IRS1: variants seen among roughly 807,000 people sequenced by gnomAD.
IRS1 encodes the protein insulin receptor substrate 1.
A neutral mutation model predicts 65.6 loss-of-function variants in IRS1; 34 were observed. That is an observed-to-expected ratio of 0.52 (90% CI 0.39 to 0.69). The LOEUF is 0.69. IRS1 is among the 30% of genes least tolerant of loss of function. The pLI is 0.00. For missense variants in IRS1, 1,641 were observed against 1,720.2 expected, an observed-to-expected ratio of 0.95 and a Z score of 0.81; for synonymous variants, 699 against 683.5, an observed-to-expected ratio of 1.02 and a Z score of -0.35.
At chr2:226,744,162 C>T (rs1938493849) in intron 1 of IRS1, among the ~76,000 whole-genome samples, 1 of 152,206 alleles carries the variant, frequency 6.6e-6, no homozygotes, top group African/African-American at 2.4e-5. Flanking sequence ...ACACCACTGA[C>T]ATCACTTTTG....
At chr2:226,747,425 C>T (rs890798538) in intron 1 of IRS1, among the ~76,000 whole-genome samples, 1 of 152,030 alleles carries the variant, frequency 6.6e-6, no homozygotes, top group African/African-American at 2.4e-5. Context: ...GCTTTCTGCT[C>T]TCTACCACAG....
Position 226,797,179 on chromosome 2 carries a change from C to T in IRS1, c.1560G>A (p.Arg520=). 6.2e-7 allele frequency: 1 copy of T among 1,613,966 alleles called. No homozygotes were observed. The highest frequency in any genetic ancestry group is 8.5e-7 in the Non-Finnish European group (1 of 1,180,024). ...CTGCCGAGTGAGTTCTCTTTCGGAACCGATTATCCAGATCTGCAGCACTGG... is the reference window on the plus strand; with the variant it reads ...CTGCCGAGTGAGTTCTCTTTCGGAATCGATTATCCAGATCTGCAGCACTGG... ...EAASAADLDN[R]FRKRTHSAGT... Residue 520 remains arginine, a synonymous_variant, in exon 1 of 2, where the codon CGG becomes CGA. Coordinates refer to ENST00000305123, the MANE Select transcript of IRS1 (RefSeq NM_005544.3). The surrounding 1 kb of genome is among the most constrained non-coding windows in gnomAD (Gnocchi z 8.1).
Position 226,798,848 on chromosome 2 carries a change from A to G in IRS1, c.-110T>C. The G allele has an allele frequency of 6.5e-7, 1 of 1,538,850 alleles. No individual in the cohort carries two copies. Among genetic ancestry groups the G allele is most frequent in the Non-Finnish European group, 8.8e-7 (1 of 1,141,642 alleles). ...GGCACATGCAAACAGGGCTGGAGGC[A>G]GCAGAAACCCCGACTCTGAAATCCA... On this transcript the variant is annotated 5_prime_UTR_variant, in exon 1 of 2. Transcript: ENST00000305123. The surrounding 1 kb of genome is among the most constrained non-coding windows in gnomAD (Gnocchi z 9.4).
intron 1 of IRS1, among the ~76,000 whole-genome samples, chr2:226,747,936 C>T (rs1318898334): frequency 4.6e-5 from 7 of 152,044 alleles, no homozygotes; most frequent in Admixed American, 4.6e-4. Flanking sequence ...TACTACTAGA[C>T]ACCTTACAAC....
Position 226,797,639 on chromosome 2 carries a change from G to C in IRS1, c.1100C>G (p.Pro367Arg). 2 of 1,590,154 alleles carry C rather than the reference G, an allele frequency of 1.3e-6. No homozygotes were observed. Among genetic ancestry groups the C allele is most frequent in the Middle Eastern group, 1.7e-4 (1 of 6,000 alleles). The change falls in exon 1 of 2, where the codon CCC becomes CGC. Residue 367 changes from proline (P) to arginine (R), a missense_variant. By Grantham distance (103) the Pro-to-Arg change is moderately radical (BLOSUM62 -2). Coordinates refer to ENST00000305123, the MANE Select transcript of IRS1 (RefSeq NM_005544.3). The surrounding 1 kb of genome is among the most constrained non-coding windows in gnomAD (Gnocchi z 8.1). ...HRHRGSARLH[P>R]PLNHSRSIPM... ...GATGGAGCGGCTGTGGTTGAGCGGGGGGTGCAGCCGGGCGCTGCCCCGATG... is the reference window on the plus strand; with the variant it reads ...GATGGAGCGGCTGTGGTTGAGCGGGCGGTGCAGCCGGGCGCTGCCCCGATG...
chr2:226,771,736 G>A (rs954861695), intron 1 of IRS1, among the ~76,000 whole-genome samples: 1 of 152,064 alleles, frequency 6.6e-6, no homozygotes, highest in East Asian at 1.9e-4. Context: ...CTCTGTCAAA[G>A]AGTGCTGAGA....
chr2:226,791,790 A>T (rs983752988), intron 1 of IRS1, among the ~76,000 whole-genome samples: 22 of 151,856 alleles, frequency 1.4e-4, no homozygotes, highest in Non-Finnish European at 2.8e-4. Context: ...GCTGTGCCCG[A>T]GGGCGGGGCC....
At chr2:226,743,966 G>A (rs1454377736) in intron 1 of IRS1, among the ~76,000 whole-genome samples, 1 of 152,076 alleles carries the variant, frequency 6.6e-6, no homozygotes, top group Non-Finnish European at 1.5e-5. Flanking sequence ...CTCATTCTTT[G>A]CCCTCTCCCT....
chr2:226,769,760 A>G (rs951287943), intron 1 of IRS1, among the ~76,000 whole-genome samples: 7 of 152,236 alleles, frequency 4.6e-5, no homozygotes, highest in Non-Finnish European at 7.3e-5. Context: ...AAACAGGTGC[A>G]TATAAAAATT....
At chr2:226,786,638 T>TA (rs773586859) in intron 1 of IRS1, among the ~76,000 whole-genome samples, 14,704 of 116,002 alleles carry the variant, frequency 0.13, 933 homozygotes, top group Admixed American at 0.21. Flanking sequence ...CTCTCTACCT[T>TA]AAAAAAAAAA....
intron 1 of IRS1, among the ~76,000 whole-genome samples, chr2:226,786,703 T>C (rs1251949628): frequency 1.4e-5 from 2 of 144,436 alleles, no homozygotes; most frequent in African/African-American, 5.1e-5. Flanking sequence ...ACTTACAGCA[T>C]GTACATGTAT....
chr2:226,738,991 G>A (rs927482446), intron 1 of IRS1, among the ~76,000 whole-genome samples: 14 of 152,130 alleles, frequency 9.2e-5, no homozygotes, highest in Admixed American at 8.5e-4. Context: ...CAACCTGCAC[G>A]GATGCATAAG....
Position 226,796,947 on chromosome 2 carries a change from G to C in IRS1, c.1792C>G (p.His598Asp). The C allele has an allele frequency of 1.3e-6, 2 of 1,556,532 alleles. No individual in the cohort carries two copies. The highest frequency in any genetic ancestry group is 1.7e-6 in the Non-Finnish European group (2 of 1,148,312). ...AGGGTGGAGCTGTCTGGGCGGTGGTGCCCCCCCCGACGCTCCAAGGGGTGC... is the reference window on the plus strand; with the variant it reads ...AGGGTGGAGCTGTCTGGGCGGTGGTCCCCCCCCCGACGCTCCAAGGGGTGC... ...EMHPLERRGGHHRPDSSTLHT... is the reference protein window; with the variant it reads ...EMHPLERRGGDHRPDSSTLHT... Residue 598 changes from histidine (H) to aspartate (D), a missense_variant, in exon 1 of 2, where the codon CAC (histidine) becomes GAC (aspartate). Transcript: ENST00000305123.
At position 226,796,677 on chromosome 2, in the gene IRS1, C is replaced by T. The variant is rs751466820; in HGVS notation, c.2062G>A (p.Ala688Thr). 9 of 1,613,210 alleles carry T rather than the reference C, an allele frequency of 5.6e-6. No individual in the cohort carries two copies. The highest frequency in any genetic ancestry group is 4.5e-5 in the East Asian group (2 of 44,812). ...CCATAGCTGGTCCCGGAAGGGACGG[C>T]GTTGCTGCTGCTGCTGCTGCTGCTG... Reference protein sequence around the residue: ...GPSSSSSSSNAVPSGTSYGKL... With the variant: ...GPSSSSSSSNTVPSGTSYGKL... Residue 688 changes from alanine (A) to threonine (T), a missense_variant, in exon 1 of 2, where the codon GCC becomes ACC. By Grantham distance (58) the Ala-to-Thr change is moderately conservative. Coordinates refer to ENST00000305123, the MANE Select transcript of IRS1 (RefSeq NM_005544.3).
chr2:226,774,212 A>C (rs1451800636), intron 1 of IRS1, among the ~76,000 whole-genome samples: 1 of 152,232 alleles, frequency 6.6e-6, no homozygotes, highest in African/African-American at 2.4e-5. Flanking sequence ...TCTATACTGA[A>C]TCAAAATCAC....
At chr2:226,744,095 A>G (rs10182336) in intron 1 of IRS1, among the ~76,000 whole-genome samples, 24,683 of 152,184 alleles carry the variant, frequency 0.16, 2,936 homozygotes, top group African/African-American at 0.31. Flanking sequence ...ATCAGGCACC[A>G]AACAAGCATT....
At chr2:226,741,824 CACATA>C (rs1559146731) in intron 1 of IRS1, among the ~76,000 whole-genome samples, 9 of 131,738 alleles carry the variant, frequency 6.8e-5, no homozygotes, top group East Asian at 2.9e-4. Context: ...CACACACACA[CACATA>C]ACACACACAC....
At chr2:226,764,538 G>T (rs1349530907) in intron 1 of IRS1, among the ~76,000 whole-genome samples, 2 of 151,914 alleles carry the variant, frequency 1.3e-5, no homozygotes, top group Non-Finnish European at 2.9e-5. Flanking sequence ...ACAAGACCCT[G>T]TTTCAAAAAA....
chr2:226,760,397 G>T, intron 1 of IRS1, among the ~76,000 whole-genome samples: 1 of 152,126 alleles, frequency 6.6e-6, no homozygotes, highest in East Asian at 1.9e-4. Flanking sequence ...AGAGAGAGTT[G>T]AAAATACCCA....
Sources: allele counts gnomAD v4.1 joint callset (sites outside exome capture counted in the v4.1 genomes callset), GRCh38; gene constraint gnomAD v4.1.1; non-coding constraint Gnocchi (gnomAD v3.1); transcripts MANE v1.5; gene names NCBI Gene and HGNC (gene_info 2026-07-23, HGNC 2026-07-21).